The following MACROH2A1 variants were observed in gnomAD, a reference collection of about 807,000 sequenced individuals.
MACROH2A1 encodes macroH2A.1 histone.
Under a neutral mutation model 31.6 loss-of-function variants are expected in MACROH2A1, and 2 were observed. The ratio of observed to expected loss-of-function variants is 0.06; its 90% CI spans 0.03 to 0.20. MACROH2A1 has a LOEUF of 0.20. Among genes scored for constraint, MACROH2A1 ranks in the 10% least tolerant of loss-of-function variants. The pLI is 1.00. For synonymous variants in MACROH2A1, 169 were observed against 189.6 expected, an observed-to-expected ratio of 0.89 and a Z score of 0.89; for missense variants, 230 against 474.0, an observed-to-expected ratio of 0.49 and a Z score of 4.78.
intron 5 of MACROH2A1, chr5:135,357,831 A>T (rs1390782750): frequency 1.0e-6 from 1 of 984,882 alleles, no homozygotes; most frequent in Non-Finnish European, 1.2e-6. Flanking sequence ...TCAGTATGTG[A>T]AATACATCAT....
chr5:135,363,775 T>C (rs534955166), intron 4 of MACROH2A1, among the ~76,000 whole-genome samples: 3 of 152,374 alleles, frequency 2.0e-5, no homozygotes, highest in East Asian at 1.9e-4. Context: ...ATGGTTGAAC[T>C]AGTTTACACT....
In MACROH2A1 at chr5:135,369,677, C is replaced by T; in HGVS notation, c.280-74G>A. On this transcript the variant is annotated intron_variant, in intron 3 of 8. Coordinates refer to ENST00000511689, the MANE Select transcript of MACROH2A1 (RefSeq NM_138610.3). This position sits in a 1 kb window ranked among gnomAD's most constrained non-coding sequence, Gnocchi z 4.3. ...TAACCTTCAAGAAGCCAGCCCTGCC[C>T]AGGACAGTCTTGCTTTGGGTTGGTG... 1 of 1,232,196 alleles carries T rather than the reference C, an allele frequency of 8.1e-7. No individual in the cohort carries two copies. Among genetic ancestry groups the T allele is most frequent in the South Asian group, 1.2e-5 (1 of 81,558 alleles). 76.3% of individuals were successfully genotyped at this position (1,232,196 alleles called of 1,614,324 possible). A position where few individuals can be genotyped will look rare whatever the true frequency, so the allele number is the denominator to read the frequency against.
At chr5:135,372,170 C>A (rs751040561) in intron 2 of MACROH2A1, among the ~76,000 whole-genome samples, 1 of 152,170 alleles carries the variant, frequency 6.6e-6, no homozygotes, top group Non-Finnish European at 1.5e-5. Context: ...CAGGAGGGAC[C>A]CAAGGCACCA....
chr5:135,343,548 C>A, intron 7 of MACROH2A1, 114 bp from the exon 8 acceptor site: 2 of 1,490,508 alleles, frequency 1.3e-6, no homozygotes, highest in African/African-American at 1.4e-5. Context: ...CCCTCCAATG[C>A]CCTGTGTCCG....
rs535341637 is a variant in MACROH2A1, at chr5:135,378,021, C to T, written c.173-7879G>A. 2.0e-4 allele frequency among the ~76,000 whole-genome samples: 30 copies of T among 152,260 alleles called. 1 individual carries two copies. Among genetic ancestry groups the T allele is most frequent in the South Asian group, 4.1e-4 (2 of 4,822 alleles). On this transcript the variant is annotated intron_variant, in intron 2 of 8. Transcript: ENST00000511689. ...TGTGCTGTCTGCCGGTGTGGATTCCCGATGCTGAGGACTGCTTGTCTAAGG... is the reference window on the plus strand; with the variant it reads ...TGTGCTGTCTGCCGGTGTGGATTCCTGATGCTGAGGACTGCTTGTCTAAGG...
At chr5:135,376,782 T>C (rs1312419618) in intron 2 of MACROH2A1, among the ~76,000 whole-genome samples, 1 of 152,216 alleles carries the variant, frequency 6.6e-6, no homozygotes, top group African/African-American at 2.4e-5. Context: ...AAATGCTTAG[T>C]ATACTCAGTA....
At chr5:135,365,286 T>C (rs772537912) in intron 4 of MACROH2A1, among the ~76,000 whole-genome samples, 47 of 152,174 alleles carry the variant, frequency 3.1e-4, no homozygotes, top group Non-Finnish European at 6.2e-4. Flanking sequence ...TATCACGTTC[T>C]CTTAAGAGGG....
At chr5:135,355,378 T>A (rs910210250) in intron 5 of MACROH2A1, 7 of 391,070 alleles carry the variant, frequency 1.8e-5, no homozygotes, top group African/African-American at 1.5e-4. Flanking sequence ...CATTGAGGAT[T>A]TCCTGCCAAC....
At chr5:135,373,268 T>A (rs545787033) in intron 2 of MACROH2A1, among the ~76,000 whole-genome samples, 1 of 151,916 alleles carries the variant, frequency 6.6e-6, no homozygotes, top group Non-Finnish European at 1.5e-5. Context: ...TTTTTTTTTG[T>A]GCAGGAAAAA....
At chr5:135,337,568 A>G (rs1329287254) in intron 8 of MACROH2A1, among the ~76,000 whole-genome samples, 1 of 152,242 alleles carries the variant, frequency 6.6e-6, no homozygotes, top group African/African-American at 2.4e-5. Flanking sequence ...CTACATCAAT[A>G]GTTCTCAAGC....
intron 4 of MACROH2A1, chr5:135,362,557 A>G (rs1245494221): frequency 2.0e-5 from 3 of 152,182 alleles, no homozygotes; most frequent in Non-Finnish European, 4.4e-5. Flanking sequence ...TAGGATGCTA[A>G]GCCCTGTTTC....
rs530829273 is a variant in MACROH2A1, at chr5:135,334,665, T to C, written c.*311A>G. Reference sequence around the variant, plus strand: ...GGCTTCGGTGACAGGTAAAAGACGCTGTTCTCCCCACTGCTGTGCGTCAAT... The same window carrying C: ...GGCTTCGGTGACAGGTAAAAGACGCCGTTCTCCCCACTGCTGTGCGTCAAT... On this transcript the variant is annotated 3_prime_UTR_variant, in exon 9 of 9. Transcript: ENST00000511689. 1.6e-4 allele frequency: 38 copies of C among 243,304 alleles called. No homozygotes were observed. In the South Asian group the frequency reaches 2.9e-3, roughly 19 times the overall value. 15.1% of individuals were successfully genotyped at this position (243,304 alleles called of 1,614,324 possible). A position where few individuals can be genotyped will look rare whatever the true frequency, so the allele number is the denominator to read the frequency against.
intron 5 of MACROH2A1, chr5:135,357,646 T>A (rs1163136725): frequency 2.9e-6 from 2 of 681,524 alleles, no homozygotes; most frequent in East Asian, 2.7e-4. Context: ...TAGAAATGTT[T>A]TTTCTGAAAA....
intron 2 of MACROH2A1, among the ~76,000 whole-genome samples, chr5:135,380,133 C>T (rs1383156397): frequency 6.6e-6 from 1 of 152,176 alleles, no homozygotes; most frequent in Non-Finnish European, 1.5e-5. Context: ...CCCCCTGAAA[C>T]TCATCATTCC....
intron 7 of MACROH2A1, 59 bp from the exon 8 acceptor site, chr5:135,343,493 T>A: frequency 6.3e-7 from 1 of 1,599,492 alleles, no homozygotes; most frequent in Non-Finnish European, 8.5e-7. Flanking sequence ...AAGCACAAGA[T>A]GCCAAACACA....
intron 2 of MACROH2A1, among the ~76,000 whole-genome samples, chr5:135,379,161 C>T (rs1561647109): frequency 2.0e-5 from 3 of 152,208 alleles, no homozygotes; most frequent in African/African-American, 7.2e-5. Flanking sequence ...ATGGCTCCCA[C>T]AGCTCTGCAG....
intron 8 of MACROH2A1, among the ~76,000 whole-genome samples, chr5:135,335,694 T>C (rs1309825752): frequency 4.6e-5 from 7 of 152,202 alleles, no homozygotes; most frequent in Admixed American, 3.9e-4. Context: ...TCTTCAACTC[T>C]GGGCTATCAT....
chr5:135,353,137 T>A (rs1470473100), intron 5 of MACROH2A1, 92 bp from the exon 6 acceptor site: 2 of 797,630 alleles, frequency 2.5e-6, no homozygotes, highest in Admixed American at 1.9e-5. Context: ...CAGTGGACAC[T>A]CCAAGTGCAC....
intron 2 of MACROH2A1, among the ~76,000 whole-genome samples, 164 bp from the exon 3 acceptor site, chr5:135,370,306 A>G (rs1311536033): frequency 6.6e-6 from 1 of 152,194 alleles, no homozygotes; most frequent in Non-Finnish European, 1.5e-5. Flanking sequence ...CTGAATGGCA[A>G]AGCTGAGTGG....
Sources: gnomAD v4.1 joint callset for allele counts (sites outside exome capture counted in the v4.1 genomes callset) on GRCh38, gnomAD v4.1.1 for gene constraint, Gnocchi (gnomAD v3.1) non-coding constraint, MANE v1.5 for transcripts, NCBI Gene and HGNC (gene_info 2026-07-23, HGNC 2026-07-21) for gene names.